CNTNAP2: variants seen among roughly 807,000 people sequenced by gnomAD.
CNTNAP2 encodes contactin associated protein 2.
A neutral mutation model predicts 155.2 loss-of-function variants in CNTNAP2; 98 were observed. That is an observed-to-expected ratio of 0.63 (90% CI 0.54 to 0.75). The LOEUF (loss-of-function observed/expected upper bound fraction) is 0.75. Ranked by LOEUF, CNTNAP2 falls within the 30% of genes least tolerant of loss-of-function variation. CNTNAP2 has a pLI of 0.00. For synonymous variants in CNTNAP2, 651 were observed against 631.2 expected (o/e 1.03, Z -0.47); for missense variants, 1,727 against 1,688.1 (o/e 1.02, Z -0.40).
At chr7:147,588,472 C>T (rs919918368) in intron 12 of CNTNAP2, among the ~76,000 whole-genome samples, 2 of 152,188 alleles carry the variant, frequency 1.3e-5, no homozygotes, top group African/African-American at 4.8e-5. Context: ...ACTCTTTCTT[C>T]ACCCCTTCCA....
chr7:146,485,420 G>A (rs2129129818), intron 1 of CNTNAP2, among the ~76,000 whole-genome samples: 1 of 152,264 alleles, frequency 6.6e-6, no homozygotes, highest in South Asian at 2.1e-4. Context: ...ATTGAGAGAT[G>A]AGGAAAGTCA....
Position 148,378,814 on chromosome 7 carries a change from C to T in CNTNAP2, c.3476-4835C>T, listed in dbSNP as rs367880867. 4.8e-4 allele frequency among the ~76,000 whole-genome samples: 32 copies of T among 66,824 alleles called. 15 individuals carry two copies. The East Asian group carries it at 0.013, about 27-fold the overall frequency. The allele number at this position is 66,824 out of a possible 152,430, so 43.8% of individuals were successfully genotyped here. A position where few individuals can be genotyped will look rare whatever the true frequency, so the allele number is the denominator to read the frequency against. On this transcript the variant is annotated intron_variant, in intron 21 of 23. Coordinates refer to ENST00000361727, the MANE Select transcript of CNTNAP2 (RefSeq NM_014141.6). ...GTATTGGCACCATAATAAAGATAGT[C>T]CAGCCCCACACTGAGCCGGCCTGAG...
chr7:147,957,228 T>C (rs370492072), intron 14 of CNTNAP2, among the ~76,000 whole-genome samples: 13 of 152,312 alleles, frequency 8.5e-5, no homozygotes, highest in East Asian at 1.9e-4. Context: ...GTAAACTCTG[T>C]TGGGGTTTTG....
intron 8 of CNTNAP2, among the ~76,000 whole-genome samples, chr7:147,133,213 T>C (rs1801411164): frequency 6.6e-6 from 1 of 152,134 alleles, no homozygotes; most frequent in African/African-American, 2.4e-5. Context: ...TAAATTGTGA[T>C]GTTATAAGCA....
At chr7:146,805,334 G>T (rs947733280) in intron 2 of CNTNAP2, among the ~76,000 whole-genome samples, 1 of 152,116 alleles carries the variant, frequency 6.6e-6, no homozygotes, top group Admixed American at 6.6e-5. Context: ...AAATCATTAG[G>T]CATAGGGTAG....
At chr7:147,960,331 C>A (rs1018845188) in intron 14 of CNTNAP2, among the ~76,000 whole-genome samples, 1 of 152,086 alleles carries the variant, frequency 6.6e-6, no homozygotes, top group Admixed American at 6.6e-5. Flanking sequence ...TATGAGGAAG[C>A]TTTATGCCGT....
At chr7:146,296,425 C>A (rs889737974) in intron 1 of CNTNAP2, among the ~76,000 whole-genome samples, 1 of 152,104 alleles carries the variant, frequency 6.6e-6, no homozygotes, top group Non-Finnish European at 1.5e-5. Context: ...TTCTTTGCTG[C>A]AAACTGGTGT....
intron 2 of CNTNAP2, among the ~76,000 whole-genome samples, chr7:146,796,175 G>A (rs1333148068): frequency 2.6e-5 from 4 of 152,160 alleles, no homozygotes; most frequent in Non-Finnish European, 5.9e-5. Flanking sequence ...AAGGCTATCG[G>A]TTACTTCTAA....
chr7:146,887,352 A>G (rs1795688574), intron 3 of CNTNAP2, among the ~76,000 whole-genome samples: 1 of 151,560 alleles, frequency 6.6e-6, no homozygotes, highest in African/African-American at 2.4e-5. Context: ...GTTTTTTTGT[A>G]TTTTTAATAG....
chr7:146,767,893 A>G (rs947063094), intron 1 of CNTNAP2, among the ~76,000 whole-genome samples: 1 of 152,148 alleles, frequency 6.6e-6, no homozygotes, highest in Non-Finnish European at 1.5e-5. Flanking sequence ...TTATGTTGCT[A>G]GGAATAAAAT....
chr7:147,023,284 G>C (rs1584788737), intron 3 of CNTNAP2, among the ~76,000 whole-genome samples: 1 of 152,098 alleles, frequency 6.6e-6, no homozygotes, highest in African/African-American at 2.4e-5. Context: ...ATTATGTTGA[G>C]ACTAAAAAAA....
At chr7:147,177,068 C>T (rs1399971660) in intron 8 of CNTNAP2, among the ~76,000 whole-genome samples, 2 of 144,564 alleles carry the variant, frequency 1.4e-5, no homozygotes, top group Non-Finnish European at 3.0e-5. Context: ...ATAATACATA[C>T]ACACGTATAA....
intron 10 of CNTNAP2, among the ~76,000 whole-genome samples, chr7:147,434,144 G>A (rs1414432448): frequency 6.6e-6 from 1 of 152,158 alleles, no homozygotes; most frequent in Non-Finnish European, 1.5e-5. Flanking sequence ...CTATTCAACT[G>A]GGTTTCCTGT....
chr7:146,415,332 C>A (rs1283423177), intron 1 of CNTNAP2, among the ~76,000 whole-genome samples: 2 of 152,008 alleles, frequency 1.3e-5, no homozygotes, highest in Non-Finnish European at 2.9e-5. Context: ...TCTGTTATTG[C>A]CAACTTTAAA....
At chr7:147,720,297 C>A (rs796496740) in intron 13 of CNTNAP2, among the ~76,000 whole-genome samples, 10 of 152,174 alleles carry the variant, frequency 6.6e-5, no homozygotes, top group African/African-American at 2.2e-4. Flanking sequence ...ATAAGCTGTT[C>A]TAAAAATAAT....
At chr7:146,660,225 T>G (rs896937427) in intron 1 of CNTNAP2, among the ~76,000 whole-genome samples, 6 of 152,212 alleles carry the variant, frequency 3.9e-5, no homozygotes, top group African/African-American at 1.4e-4. Flanking sequence ...GGATGATATC[T>G]AAGCAGTATG....
At chr7:147,964,614 A>T (rs1801174616) in intron 14 of CNTNAP2, among the ~76,000 whole-genome samples, 1 of 152,198 alleles carries the variant, frequency 6.6e-6, no homozygotes, top group African/African-American at 2.4e-5. Context: ...TGCTAAATTG[A>T]GTTTTTCACT....
At chr7:147,173,471 A>G (rs1042545200) in intron 8 of CNTNAP2, among the ~76,000 whole-genome samples, 3 of 152,194 alleles carry the variant, frequency 2.0e-5, no homozygotes, top group African/African-American at 7.2e-5. Flanking sequence ...GAATGTTATT[A>G]CCTATAAAGC....
At chr7:147,214,217 T>A (rs1484606185) in intron 8 of CNTNAP2, among the ~76,000 whole-genome samples, 1 of 152,216 alleles carries the variant, frequency 6.6e-6, no homozygotes, top group East Asian at 1.9e-4. Context: ...TTCAAAGGAA[T>A]TTAAATTGTT....
Sources: allele counts gnomAD v4.1 joint callset (sites outside exome capture counted in the v4.1 genomes callset), GRCh38; gene constraint gnomAD v4.1.1; transcripts MANE v1.5; gene names NCBI Gene and HGNC (gene_info 2026-07-23, HGNC 2026-07-21).